The following AADAT variants were observed in gnomAD, a reference collection of about 807,000 sequenced individuals.
AADAT encodes aminoadipate aminotransferase.
In AADAT, 25 loss-of-function variants were observed where a neutral mutation model predicts 56.2. The observed-to-expected ratio is 0.44, with a 90% CI of 0.32 to 0.62. AADAT has a LOEUF of 0.62. Among genes scored for constraint, AADAT ranks in the 20% least tolerant of loss-of-function variants. The pLI, the probability that AADAT is intolerant of heterozygous loss-of-function variation, is 0.04. For synonymous variants in AADAT, 173 were observed against 164.7 expected (o/e 1.05, Z -0.39); for missense variants, 387 against 510.5 (o/e 0.76, Z 2.33).
At chr4:170,077,349 A>G (rs952463236) in intron 4 of AADAT, among the ~76,000 whole-genome samples, 2 of 152,092 alleles carry the variant, frequency 1.3e-5, no homozygotes, top group Non-Finnish European at 2.9e-5. Flanking sequence ...CATTTATTTG[A>G]GTTTTGCTTA....
chr4:170,086,950 C>A (rs1306003069), intron 3 of AADAT, among the ~76,000 whole-genome samples, 166 bp downstream of exon 3: 1 of 152,180 alleles, frequency 6.6e-6, no homozygotes, highest in Admixed American at 6.5e-5. Context: ...GCTCCCACCC[C>A]CATCCTATGA....
chr4:170,084,034 A>G (rs2111204467), intron 3 of AADAT, among the ~76,000 whole-genome samples: 1 of 152,318 alleles, frequency 6.6e-6, no homozygotes, highest in Admixed American at 6.5e-5. Flanking sequence ...TATACACACA[A>G]TGGAATATTA....
chr4:170,075,047 G>A (rs957237235), intron 4 of AADAT, among the ~76,000 whole-genome samples: 2 of 152,168 alleles, frequency 1.3e-5, no homozygotes, highest in African/African-American at 4.8e-5. Flanking sequence ...CATCTACCAT[G>A]AATAAAGCAA....
At chr4:170,091,321 GA>G (rs1732819511), upstream of AADAT, among the ~76,000 whole-genome samples, 2 of 152,136 alleles carry the variant, frequency 1.3e-5, no homozygotes, top group Admixed American at 1.3e-4. Context: ...CCGGCACTCA[GA>G]GCGGCGGGCC....
chr4:170,092,210 C>T (rs139857582), upstream of AADAT, among the ~76,000 whole-genome samples: 1,728 of 152,340 alleles, frequency 0.011, 41 homozygotes, highest in African/African-American at 0.039. Context: ...GTTTTGTTTT[C>T]TCGCAGTTTG....
chr4:170,071,256 G>A (rs1731748989), intron 5 of AADAT, among the ~76,000 whole-genome samples: 1 of 152,196 alleles, frequency 6.6e-6, no homozygotes. Flanking sequence ...TACAACAGGT[G>A]AGGGAGAGAG....
At chr4:170,065,900 AATAAT>A (rs1425221317) in intron 10 of AADAT, among the ~76,000 whole-genome samples, 1 of 152,250 alleles carries the variant, frequency 6.6e-6, no homozygotes, top group African/African-American at 2.4e-5. Context: ...AAGGCATTTT[AATAAT>A]ATAATTAAAG....
At chr4:170,093,840 C>G (rs976489366), upstream of AADAT, among the ~76,000 whole-genome samples, 8 of 152,180 alleles carry the variant, frequency 5.3e-5, no homozygotes, top group African/African-American at 1.9e-4. Context: ...TCAAGTAGTC[C>G]TCCCACTTTG....
upstream of AADAT, among the ~76,000 whole-genome samples, chr4:170,093,803 G>A (rs1486808338): frequency 6.6e-6 from 1 of 152,150 alleles, no homozygotes; most frequent in East Asian, 1.9e-4. Flanking sequence ...TCCCTATGTT[G>A]CCCAGTCTAG....
intron 3 of AADAT, among the ~76,000 whole-genome samples, chr4:170,082,450 C>T (rs1220934710): frequency 6.6e-6 from 1 of 151,628 alleles, no homozygotes; most frequent in Admixed American, 6.6e-5. Flanking sequence ...TAAAGAGCAA[C>T]AAATTATAAA....
intron 4 of AADAT, among the ~76,000 whole-genome samples, chr4:170,077,240 A>G (rs895207607): frequency 2.0e-5 from 3 of 152,202 alleles, no homozygotes; most frequent in African/African-American, 4.8e-5. Context: ...GGCTGTTGGC[A>G]TATCGATAGG....
intron 2 of AADAT, among the ~76,000 whole-genome samples, chr4:170,087,781 TGAA>T (rs1417666755): frequency 1.3e-5 from 2 of 151,934 alleles, no homozygotes; most frequent in African/African-American, 2.4e-5. Flanking sequence ...CTTTATCACT[TGAA>T]GAAGACCAGC....
intron 6 of AADAT, 69 bp from the exon 7 acceptor site, chr4:170,069,299 T>C (rs1319764034): frequency 2.4e-6 from 3 of 1,253,024 alleles, no homozygotes; most frequent in African/African-American, 1.5e-5. Flanking sequence ...TTATTTTGAA[T>C]AGAGAGTAGA....
chr4:170,073,108 A>T, intron 5 of AADAT, 28 bp downstream of exon 5: 1 of 1,604,766 alleles, frequency 6.2e-7, no homozygotes, highest in Non-Finnish European at 8.5e-7. Context: ...CAGGAACACA[A>T]CTACTTTAAC....
chr4:170,089,673 G>T lies in AADAT; in HGVS notation c.18C>A (p.Phe6Leu). The change falls in exon 1 of 13, where the codon TTC becomes TTA. Residue 6 changes from phenylalanine to leucine, a missense_variant. By Grantham distance (22) the Phe-to-Leu change is conservative. Coordinates refer to ENST00000337664, the MANE Select transcript of AADAT (RefSeq NM_016228.4). The part of the protein sequence containing the change: MNYAR[F>L]ITAASAARNP... ...TTCTGGCTGCGCTCGCTGCCGTGATGAACCGTGCGTAATTCATGTCTTCTG... is the reference window on the plus strand; with the variant it reads ...TTCTGGCTGCGCTCGCTGCCGTGATTAACCGTGCGTAATTCATGTCTTCTG... The T allele has an allele frequency of 6.2e-7, 1 of 1,614,182 alleles. No homozygotes were observed. The highest frequency in any genetic ancestry group is 8.5e-7 in the Non-Finnish European group (1 of 1,180,038).
intron 4 of AADAT, among the ~76,000 whole-genome samples, chr4:170,076,677 ACT>A (rs1188953391): frequency 6.6e-6 from 1 of 151,876 alleles, no homozygotes; most frequent in East Asian, 1.9e-4. Flanking sequence ...CTCTTTTTTC[ACT>A]GTTTTCATAA....
At chr4:170,064,014 A>G (rs1383292816) in intron 11 of AADAT, among the ~76,000 whole-genome samples, 1 of 152,172 alleles carries the variant, frequency 6.6e-6, no homozygotes, top group Non-Finnish European at 1.5e-5. Context: ...TGAAAAAAAA[A>G]TCAGGATACA....
chr4:170,082,043 T>C (rs183211060), intron 3 of AADAT, among the ~76,000 whole-genome samples: 267 of 152,180 alleles, frequency 1.8e-3, no homozygotes, highest in African/African-American at 6.1e-3. Flanking sequence ...AAGAAAAAAA[T>C]ACTAATGTGC....
intron 3 of AADAT, among the ~76,000 whole-genome samples, chr4:170,081,841 A>G (rs1732331834): frequency 6.6e-6 from 1 of 152,146 alleles, no homozygotes; most frequent in Admixed American, 6.6e-5. Context: ...TTCCCGGCCC[A>G]TCCAAAAATA....
Sources: allele counts gnomAD v4.1 joint callset (sites outside exome capture counted in the v4.1 genomes callset), GRCh38; gene constraint gnomAD v4.1.1; transcripts MANE v1.5; gene names NCBI Gene and HGNC (gene_info 2026-07-23, HGNC 2026-07-21).